Variants in UBOX5 observed in about 807,000 individuals in gnomAD.
UBOX5 encodes the protein U-box domain containing 5.
In UBOX5, 28 loss-of-function variants were observed where a neutral mutation model predicts 39.0. The ratio of observed to expected loss-of-function variants is 0.72; its 90% CI spans 0.53 to 0.98. The LOEUF is 0.98. UBOX5 is among the 50% of genes least tolerant of loss of function. The pLI, the probability that UBOX5 is intolerant of heterozygous loss-of-function variation, is 0.00. For synonymous variants in UBOX5, 283 were observed against 275.5 expected, an observed-to-expected ratio of 1.03 and a Z score of -0.27; for missense variants, 585 against 674.4, an observed-to-expected ratio of 0.87 and a Z score of 1.47.
chr20:3,154,518 A>C (rs371107475), intron 1 of UBOX5, among the ~76,000 whole-genome samples: 2 of 151,918 alleles, frequency 1.3e-5, no homozygotes, highest in African/African-American at 4.8e-5. Flanking sequence ...CCCCACCTCT[A>C]CAAAATATTT....
chr20:3,124,716 A>C (rs2066365060), intron 1 of UBOX5, among the ~76,000 whole-genome samples: 1 of 144,076 alleles, frequency 6.9e-6, no homozygotes, highest in Non-Finnish European at 1.5e-5. Flanking sequence ...GGATGTGAGG[A>C]GCGTCTCTGC....
chr20:3,134,345 A>G (rs1255495087), intron 1 of UBOX5, among the ~76,000 whole-genome samples: 1 of 152,134 alleles, frequency 6.6e-6, no homozygotes, highest in Non-Finnish European at 1.5e-5. Context: ...CTATGAAAAA[A>G]ATGCTGCAAT....
At chr20:3,142,687 C>T (rs2066527392) in intron 1 of UBOX5, among the ~76,000 whole-genome samples, 1 of 145,594 alleles carries the variant, frequency 6.9e-6, no homozygotes, top group South Asian at 2.2e-4. Context: ...GCACGAGAAT[C>T]GCTTGTACCT....
intron 1 of UBOX5, among the ~76,000 whole-genome samples, chr20:3,131,692 C>T (rs891652294): frequency 2.6e-5 from 4 of 152,172 alleles, no homozygotes; most frequent in African/African-American, 9.7e-5. Flanking sequence ...ATATTCAAAA[C>T]CTGTAATTCA....
rs139011717 is a variant in UBOX5 at position 3,147,584 on chromosome 20, G to A, written c.-42+12182C>T. 7.3e-5 allele frequency: 118 copies of A among 1,614,110 alleles called. No individual in the cohort carries two copies. The African/African-American group carries it at 1.5e-3, about 21-fold the overall frequency. On this transcript the variant is annotated intron_variant, in intron 1 of 4. Transcript: ENST00000217173. ...CTCCTGAGCTAACCTGACAAACCCT[G>A]GACTGAGAGCGAAATCAATTAACTC...
In UBOX5 at chr20:3,122,225, G is replaced by A. The variant is rs2066343726; in HGVS notation, c.414C>T (p.Ala138=). The change falls in exon 3 of 5, where the codon GCC becomes GCT. Residue 138 remains alanine (A), a synonymous_variant. Transcript: ENST00000217173. The part of the protein sequence containing the change: ...QVVFSHRGFK[A]RPPFGAMEAT... ...CTTCCATCGCGCCAAAAGGGGGCCT[G>A]GCCTTGAAGCCCCTGTGGCTAAACA... 6.2e-7 allele frequency: 1 copy of A among 1,614,122 alleles called. No individual in the cohort carries two copies. The highest frequency in any genetic ancestry group is 1.3e-5 in the African/African-American group (1 of 74,950).
At chr20:3,125,813 G>GA (rs1475477824) in intron 1 of UBOX5, among the ~76,000 whole-genome samples, 21 of 150,832 alleles carry the variant, frequency 1.4e-4, no homozygotes, top group Admixed American at 9.9e-4. Flanking sequence ...CCCCGTCTGG[G>GA]AAGTGAGGAG....
intron 1 of UBOX5, among the ~76,000 whole-genome samples, chr20:3,156,268 C>T (rs1478598709): frequency 4.0e-5 from 6 of 151,420 alleles, no homozygotes; most frequent in African/African-American, 1.5e-4. Context: ...CTCTGCATCC[C>T]GGGTTTAAGT....
At chr20:3,139,012 C>T (rs956044092) in intron 1 of UBOX5, among the ~76,000 whole-genome samples, 3 of 152,068 alleles carry the variant, frequency 2.0e-5, no homozygotes, top group African/African-American at 7.2e-5. Flanking sequence ...GATTACCTGT[C>T]AAGTAAGAGA....
rs566772820 is a variant in UBOX5 at position 3,124,585 on chromosome 20, T to C, written c.-41-1179A>G. On this transcript the variant is annotated intron_variant, in intron 1 of 4. Coordinates refer to ENST00000217173, the MANE Select transcript of UBOX5 (RefSeq NM_014948.4). ...AGGAGCCTCTCTGCCTGGCCACCCATTGTCTGGGATGTGAGGAGAGCCTCT... is the reference window on the plus strand; with the variant it reads ...AGGAGCCTCTCTGCCTGGCCACCCACTGTCTGGGATGTGAGGAGAGCCTCT... Among the ~76,000 whole-genome samples the C allele has an allele frequency of 7.4e-5, 11 of 149,544 alleles. No individual in the cohort carries two copies. The South Asian group carries it at 2.4e-3, about 32-fold the overall frequency.
intron 1 of UBOX5, among the ~76,000 whole-genome samples, chr20:3,141,161 C>T (rs151054213): frequency 0.011 from 1,598 of 151,562 alleles, 29 homozygotes; most frequent in African/African-American, 0.037. Flanking sequence ...TCAGGTGATC[C>T]GCCCGCCTCA....
chr20:3,114,602 C>T (rs530487414), intron 4 of UBOX5, among the ~76,000 whole-genome samples: 1 of 152,216 alleles, frequency 6.6e-6, no homozygotes, highest in Admixed American at 6.5e-5. Context: ...CCTCTCTTCA[C>T]ATTTACATAA....
intron 1 of UBOX5, among the ~76,000 whole-genome samples, chr20:3,156,358 T>C (rs1230503998): frequency 6.6e-6 from 1 of 151,998 alleles, no homozygotes; most frequent in African/African-American, 2.4e-5. Context: ...TTGTATTTTT[T>C]GGTAGAGACG....
chr20:3,122,593 A>C lies in UBOX5; in HGVS notation c.55-9T>G. ...TAACCATCAGCTGATATCTAGATTT[A>C]ATAAAAAACACAAGATACAATGATC... On this transcript the variant is annotated splice_polypyrimidine_tract_variant and intron_variant, in intron 2 of 4. Transcript: ENST00000217173. The C allele has an allele frequency of 6.5e-7, 1 of 1,547,804 alleles. No homozygotes were observed. The highest frequency in any genetic ancestry group is 8.7e-7 in the Non-Finnish European group (1 of 1,147,534).
Position 3,122,227 on chromosome 20 carries a change from C to T in UBOX5, c.412G>A (p.Ala138Thr), listed in dbSNP as rs1161305393. ...QVVFSHRGFK[A>T]RPPFGAMEAT... ...TCCATCGCGCCAAAAGGGGGCCTGGCCTTGAAGCCCCTGTGGCTAAACACC... is the reference window on the plus strand; with the variant it reads ...TCCATCGCGCCAAAAGGGGGCCTGGTCTTGAAGCCCCTGTGGCTAAACACC... Residue 138 changes from alanine to threonine, a missense_variant, in exon 3 of 5, where the codon GCC becomes ACC. Coordinates refer to ENST00000217173, the MANE Select transcript of UBOX5 (RefSeq NM_014948.4). The T allele has an allele frequency of 6.2e-7, 1 of 1,614,116 alleles. No individual in the cohort carries two copies. Among genetic ancestry groups the T allele is most frequent in the East Asian group, 2.2e-5 (1 of 44,894 alleles).
intron 3 of UBOX5, among the ~76,000 whole-genome samples, chr20:3,117,427 T>TA (rs2066302165): frequency 1.3e-5 from 2 of 152,292 alleles, no homozygotes; most frequent in Admixed American, 1.3e-4. Flanking sequence ...CTCATGCCTG[T>TA]AATCCCAGAG....
intron 1 of UBOX5, among the ~76,000 whole-genome samples, chr20:3,133,925 G>A (rs529272236): frequency 5.4e-4 from 82 of 151,926 alleles, no homozygotes; most frequent in Admixed American, 8.5e-4. Flanking sequence ...GCTAATTTTT[G>A]GGGGTTTTTT....
At chr20:3,156,377 C>T (rs1423632661) in intron 1 of UBOX5, among the ~76,000 whole-genome samples, 1 of 151,968 alleles carries the variant, frequency 6.6e-6, no homozygotes, top group African/African-American at 2.4e-5. Context: ...CGGGGTTTTG[C>T]CATGTTGGTC....
intron 3 of UBOX5, among the ~76,000 whole-genome samples, chr20:3,120,287 C>CCT (rs1191836822): frequency 1.4e-5 from 2 of 147,110 alleles, no homozygotes; most frequent in Non-Finnish European, 3.0e-5. Flanking sequence ...GCGGAGGTTG[C>CCT]AGTGAGCCAA....
Sources: gnomAD v4.1 joint callset for allele counts (sites outside exome capture counted in the v4.1 genomes callset) on GRCh38, gnomAD v4.1.1 for gene constraint, MANE v1.5 for transcripts, NCBI Gene and HGNC (gene_info 2026-07-23, HGNC 2026-07-21) for gene names.